PTPRZ1: variants seen among roughly 807,000 people sequenced by gnomAD.
The protein encoded by PTPRZ1 is receptor-type tyrosine-protein phosphatase zeta.
PTPRZ1 carries 82 observed loss-of-function variants against 214.1 expected under a neutral mutation model. The observed-to-expected ratio is 0.38, with a 90% CI of 0.32 to 0.46. The LOEUF (loss-of-function observed/expected upper bound fraction) is 0.46, where lower values mean the gene tolerates loss of function less well. Ranked by LOEUF, PTPRZ1 falls within the 20% of genes least tolerant of loss-of-function variation. PTPRZ1 has a pLI of 1.00. For synonymous variants in PTPRZ1, 945 were observed against 987.9 expected (o/e 0.96, Z 0.81); for missense variants, 2,603 against 2,748.7 (o/e 0.95, Z 1.19).
chr7:121,935,130 A>G (rs942541043), intron 2 of PTPRZ1, among the ~76,000 whole-genome samples: 12 of 152,232 alleles, frequency 7.9e-5, no homozygotes, highest in African/African-American at 2.9e-4. Context: ...ATGCTTAACA[A>G]TTTTATTTGG....
At chr7:121,986,046 G>C (rs1797754916) in intron 8 of PTPRZ1, among the ~76,000 whole-genome samples, 1 of 152,200 alleles carries the variant, frequency 6.6e-6, no homozygotes, top group African/African-American at 2.4e-5. Flanking sequence ...ACTGTTTAAT[G>C]TGTAGATCTG....
At chr7:122,040,088 G>A (rs1345045543) in intron 20 of PTPRZ1, among the ~76,000 whole-genome samples, 1 of 152,206 alleles carries the variant, frequency 6.6e-6, no homozygotes, top group Non-Finnish European at 1.5e-5. Flanking sequence ...AGCCAGACTG[G>A]TTTTGTTGCT....
intron 1 of PTPRZ1, among the ~76,000 whole-genome samples, chr7:121,919,680 A>AAT (rs1795533228): frequency 6.6e-6 from 1 of 151,976 alleles, no homozygotes; most frequent in Non-Finnish European, 1.5e-5. Flanking sequence ...TTTTTTCACA[A>AAT]ATAGTGTTCC....
At position 122,010,473 on chromosome 7, in the gene PTPRZ1, A is replaced by G; in HGVS notation, c.1427A>G (p.Glu476Gly). 2.5e-6 allele frequency: 4 copies of G among 1,614,084 alleles called. No individual in the cohort carries two copies. Among genetic ancestry groups the G allele is most frequent in the Non-Finnish European group, 3.4e-6 (4 of 1,179,970 alleles). ...AATCGCATAGGGACGAAATACAATG[A>G]AGCCAAGACTAACCGATCCCCAACA... ...HYNRIGTKYN[E>G]AKTNRSPTRG... The change falls in exon 12 of 30, where the codon GAA (glutamate) becomes GGA (glycine). Residue 476 changes from glutamate (E) to glycine (G), a missense_variant. Physicochemically the swap from Glu to Gly is moderately conservative, Grantham distance 98. This residue lies in a region of PTPRZ1 where 1,913 missense variants were observed against 1,914.3 expected (regional missense o/e 1.00). Coordinates refer to ENST00000393386, the MANE Select transcript of PTPRZ1 (RefSeq NM_002851.3).
intron 12 of PTPRZ1, 141 bp downstream of exon 12, chr7:122,014,030 C>G (rs919066911): frequency 1.5e-6 from 1 of 680,418 alleles, no homozygotes; most frequent in Non-Finnish European, 2.3e-6. Context: ...AAATCAGTCT[C>G]CAGTTTCTGA....
At chr7:121,885,348 T>C (rs1319036928) in intron 1 of PTPRZ1, among the ~76,000 whole-genome samples, 1 of 152,178 alleles carries the variant, frequency 6.6e-6, no homozygotes, top group African/African-American at 2.4e-5. Flanking sequence ...AGGATGCATA[T>C]GATTTTTGGC....
intron 26 of PTPRZ1, among the ~76,000 whole-genome samples, chr7:122,054,671 A>T (rs1416910535): frequency 6.6e-6 from 1 of 152,108 alleles, no homozygotes; most frequent in African/African-American, 2.4e-5. Context: ...TTCTGTACTC[A>T]GTTGTCAATT....
At chr7:122,042,792 C>A in intron 22 of PTPRZ1, 49 bp downstream of exon 22, 1 of 1,559,526 alleles carries the variant, frequency 6.4e-7, no homozygotes, top group Non-Finnish European at 8.8e-7. Flanking sequence ...ATGGAAATGT[C>A]ACTAAAATGT....
intron 26 of PTPRZ1, 143 bp downstream of exon 26, chr7:122,054,181 G>A: frequency 1.2e-5 from 10 of 858,028 alleles, no homozygotes; most frequent in Non-Finnish European, 1.6e-5. Flanking sequence ...CTCTTCTGCT[G>A]TTGGGCTTGG....
intron 1 of PTPRZ1, among the ~76,000 whole-genome samples, chr7:121,882,703 A>G (rs1418331139): frequency 6.6e-6 from 1 of 152,208 alleles, no homozygotes; most frequent in Non-Finnish European, 1.5e-5. Flanking sequence ...ATCAGAGCAT[A>G]GGATGGATTG....
intron 1 of PTPRZ1, among the ~76,000 whole-genome samples, chr7:121,898,902 A>G (rs1263242173): frequency 6.6e-6 from 1 of 152,212 alleles, no homozygotes; most frequent in African/African-American, 2.4e-5. Context: ...GGAATCACTA[A>G]TGGTGGCAGT....
rs372914777 is a variant in PTPRZ1, at chr7:121,873,474, G to T, written c.-26G>T. On this transcript the variant is annotated 5_prime_UTR_variant, in exon 1 of 30. Coordinates refer to ENST00000393386, the MANE Select transcript of PTPRZ1 (RefSeq NM_002851.3). ...ACTCTGAGAAGCAGAGGAGCCGCAC[G>T]GCGAGGGGCCGCAGACCGTCTGGAA... 5 of 1,613,084 alleles carry T rather than the reference G, an allele frequency of 3.1e-6. No individual in the cohort carries two copies. The East Asian group carries it at 8.9e-5, about 29-fold the overall frequency.
At chr7:121,961,747 A>G (rs573983030) in intron 2 of PTPRZ1, among the ~76,000 whole-genome samples, 1 of 152,378 alleles carries the variant, frequency 6.6e-6, no homozygotes, top group Admixed American at 6.5e-5. Flanking sequence ...AGAGTTTGGC[A>G]ATGGCATGTA....
intron 13 of PTPRZ1, among the ~76,000 whole-genome samples, chr7:122,023,625 T>A (rs1317486742): frequency 7.6e-6 from 1 of 131,162 alleles, no homozygotes; most frequent in Non-Finnish European, 1.6e-5. Flanking sequence ...TTATATATAT[T>A]ATATGTATAA....
intron 1 of PTPRZ1, among the ~76,000 whole-genome samples, chr7:121,918,373 T>C (rs531846522): frequency 1.1e-4 from 16 of 152,318 alleles, no homozygotes; most frequent in Admixed American, 3.3e-4. Context: ...CTGATCATCA[T>C]GGCCAATAAG....
chr7:121,934,721 G>A (rs1796023493), intron 2 of PTPRZ1, among the ~76,000 whole-genome samples: 1 of 152,122 alleles, frequency 6.6e-6, no homozygotes, highest in African/African-American at 2.4e-5. Flanking sequence ...CTCACAAGAG[G>A]ATTTAGAAGT....
At chr7:122,053,403 G>A (rs1218868711) in intron 25 of PTPRZ1, among the ~76,000 whole-genome samples, 1 of 152,180 alleles carries the variant, frequency 6.6e-6, no homozygotes, top group Admixed American at 6.5e-5. Context: ...TTGTAAGTTA[G>A]ACAACTGGAT....
intron 1 of PTPRZ1, among the ~76,000 whole-genome samples, chr7:121,875,269 TCCTGG>T (rs1466979968): frequency 2.6e-5 from 4 of 152,208 alleles, no homozygotes; most frequent in Admixed American, 1.3e-4. Context: ...AATTTGCCTA[TCCTGG>T]ACATTTCATA....
At position 122,011,105 on chromosome 7, in the gene PTPRZ1, G is replaced by A. The variant is rs777380044; in HGVS notation, c.2059G>A (p.Glu687Lys). Residue 687 changes from glutamate to lysine, a missense_variant, in exon 12 of 30, where the codon GAG becomes AAG. By Grantham distance (56) the Glu-to-Lys change is moderately conservative. Coordinates refer to ENST00000393386, the MANE Select transcript of PTPRZ1 (RefSeq NM_002851.3). Reference sequence around the variant, plus strand: ...CACTGAGATACGTGTTGATGAATCTGAGAAGACAACCAAGTCCTTTTCTGC... The same window carrying A: ...CACTGAGATACGTGTTGATGAATCTAAGAAGACAACCAAGTCCTTTTCTGC... Reference protein sequence around the residue: ...NYTEIRVDESEKTTKSFSAGP... With the variant: ...NYTEIRVDESKKTTKSFSAGP... 2.5e-6 allele frequency: 4 copies of A among 1,613,974 alleles called. No homozygotes were observed. In the South Asian group the frequency reaches 4.4e-5, roughly 18 times the overall value.
Sources: gnomAD v4.1 joint callset for allele counts (sites outside exome capture counted in the v4.1 genomes callset) on GRCh38, gnomAD v4.1.1 for gene constraint, gnomAD v4.1.1 regional missense constraint, MANE v1.5 for transcripts, NCBI Gene and HGNC (gene_info 2026-07-23, HGNC 2026-07-21) for gene names.